HABP4: variants seen among roughly 807,000 people sequenced by gnomAD.
The protein encoded by HABP4 is intracellular hyaluronan-binding protein 4.
Under a neutral mutation model 44.1 loss-of-function variants are expected in HABP4, and 32 were observed. That is an observed-to-expected ratio of 0.73 (90% CI 0.55 to 0.97). The LOEUF (loss-of-function observed/expected upper bound fraction) is 0.97, where lower values mean the gene tolerates loss of function less well. Ranked by LOEUF, HABP4 falls within the 50% of genes least tolerant of loss-of-function variation. The pLI, the probability that HABP4 is intolerant of heterozygous loss-of-function variation, is 0.00. For missense variants in HABP4, 503 were observed against 561.9 expected, an observed-to-expected ratio of 0.90 and a Z score of 1.06; for synonymous variants, 216 against 218.0, an observed-to-expected ratio of 0.99 and a Z score of 0.08.
intron 5 of HABP4, among the ~76,000 whole-genome samples, chr9:96,473,412 A>T (rs1832728574): frequency 6.6e-6 from 1 of 152,062 alleles, no homozygotes; most frequent in Non-Finnish European, 1.5e-5. Context: ...TGCTCTGGTG[A>T]TTGTACCCCT....
At chr9:96,450,130 G>GCGC, upstream of HABP4, 1 of 785,890 alleles carries the variant, frequency 1.3e-6, no homozygotes, top group Non-Finnish European at 1.6e-6. The surrounding 1 kb of genome is among the most constrained non-coding windows in gnomAD (Gnocchi z 4.8). Context: ...GACGGCGGCG[G>GCGC]CGCCGCGGGG....
chr9:96,465,742 G>A lies in HABP4; in HGVS notation c.707G>A (p.Cys236Tyr). 1.9e-6 allele frequency: 3 copies of A among 1,605,106 alleles called. No homozygotes were observed. Among genetic ancestry groups the A allele is most frequent in the Non-Finnish European group, 2.6e-6 (3 of 1,171,814 alleles). ...AGAACTGAAGACAACATGGGTGGAT[G>A]TGGAGTTCGAACCTGGGGATCGGGT... ...AVRTEDNMGG[C>Y]GVRTWGSGKD... is the part of the protein sequence containing the mutation. Residue 236 changes from cysteine (C) to tyrosine (Y), a missense_variant, in exon 4 of 8, where the codon TGT becomes TAT. This residue lies in a region of HABP4 where 131 missense variants were observed against 189.8 expected (regional missense o/e 0.69). Transcript: ENST00000375249.
chr9:96,472,943 G>A (rs1415584255), intron 5 of HABP4, among the ~76,000 whole-genome samples: 3 of 152,168 alleles, frequency 2.0e-5, no homozygotes, highest in Non-Finnish European at 4.4e-5. Flanking sequence ...CTTCGTAAAC[G>A]TGCTCTCCTG....
chr9:96,455,216 C>T (rs559169026), intron 1 of HABP4, among the ~76,000 whole-genome samples: 9 of 152,130 alleles, frequency 5.9e-5, no homozygotes, highest in African/African-American at 2.2e-4. Context: ...TTTGGCAGGT[C>T]GAGGCAGGTG....
At chr9:96,478,171 C>T (rs1832813636) in intron 5 of HABP4, among the ~76,000 whole-genome samples, 1 of 152,032 alleles carries the variant, frequency 6.6e-6, no homozygotes, top group African/African-American at 2.4e-5. Context: ...CTCACTCTGT[C>T]ACCCAGGCTG....
At chr9:96,469,671 C>T (rs975641950) in intron 4 of HABP4, among the ~76,000 whole-genome samples, 5 of 152,196 alleles carry the variant, frequency 3.3e-5, no homozygotes, top group South Asian at 2.1e-4. Context: ...TACAGGCACC[C>T]GCCACCACGC....
At chr9:96,458,622 CTTTCT>C in intron 2 of HABP4, 81 bp downstream of exon 2, 15 of 811,268 alleles carry the variant, frequency 1.8e-5, no homozygotes, top group African/African-American at 7.1e-5. Context: ...TCTTTTCTTT[CTTTCT>C]TTTTTTTTTT....
intron 1 of HABP4, among the ~76,000 whole-genome samples, chr9:96,456,781 ATATATATATATATATATATATATATATAT>A (rs1288125886): frequency 3.3e-5 from 1 of 30,142 alleles, no homozygotes; most frequent in Non-Finnish European, 5.5e-5. Flanking sequence ...AAAAAAAAAA[ATATATATATATATATATATATATATATAT>A]ATATATATAT....
chr9:96,472,724 C>A (rs1389968532), intron 5 of HABP4, among the ~76,000 whole-genome samples: 1 of 152,188 alleles, frequency 6.6e-6, no homozygotes, highest in African/African-American at 2.4e-5. Context: ...CGTAAGTGTC[C>A]TCTGGACCCC....
At chr9:96,451,266 G>A (rs1202563678) in intron 1 of HABP4, among the ~76,000 whole-genome samples, 4 of 152,250 alleles carry the variant, frequency 2.6e-5, no homozygotes, top group Non-Finnish European at 5.9e-5. Context: ...ATAGCTCAAG[G>A]CTGCTTTAAG....
intron 2 of HABP4, among the ~76,000 whole-genome samples, chr9:96,462,450 TAA>T (rs779788111): frequency 1.4e-5 from 2 of 142,682 alleles, no homozygotes; most frequent in Non-Finnish European, 1.5e-5. Flanking sequence ...ACTCTGTCTC[TAA>T]AAAAAAAAAA....
At chr9:96,451,373 T>C (rs1440477715) in intron 1 of HABP4, 5 of 459,100 alleles carry the variant, frequency 1.1e-5, no homozygotes, top group African/African-American at 1.1e-4. Context: ...CTGCTGCCTG[T>C]GGACGGGGAG....
chr9:96,476,695 A>G (rs1255825619), intron 5 of HABP4, among the ~76,000 whole-genome samples: 1 of 152,190 alleles, frequency 6.6e-6, no homozygotes, highest in African/African-American at 2.4e-5. Context: ...TGCCGGTAAA[A>G]CTGTACTCAG....
Position 96,484,484 on chromosome 9 carries a change from G to C in HABP4, c.850G>C (p.Glu284Gln). The change falls in exon 6 of 8, where the codon GAA becomes CAA. Residue 284 changes from glutamate to glutamine, a missense_variant. Physicochemically the swap from Glu to Gln is conservative, Grantham distance 29. Around this residue, in one of 3 missense-constraint regions of HABP4, gnomAD observed 131 missense variants for 189.8 expected, o/e 0.69. Coordinates refer to ENST00000375249, the MANE Select transcript of HABP4 (RefSeq NM_014282.4). ...PAKVPELEVE[E>Q]ETQVQEMTLD... is the part of the protein sequence containing the mutation. ...TAGAGTTCCTGAGTTGGAGGTAGAA[G>C]AAGAAACCCAAGTTCAAGAGATGAC... The C allele has an allele frequency of 1.3e-6, 2 of 1,552,510 alleles. No homozygotes were observed. The highest frequency in any genetic ancestry group is 1.7e-4 in the Middle Eastern group (1 of 5,946).
rs781305395 is a variant in HABP4 at position 96,488,136 on chromosome 9, C to T, written c.1047C>T (p.Pro349=). The part of the protein sequence containing the change: ...YEDDSHVFRK[P]ANDITSQLEI... ...ACGATTCCCATGTTTTCCGGAAACCCGCCAATGACATCACATCCCAGCTGG... is the reference window on the plus strand; with the variant it reads ...ACGATTCCCATGTTTTCCGGAAACCTGCCAATGACATCACATCCCAGCTGG... The change falls in exon 7 of 8, where the codon CCC becomes CCT. Residue 349 remains proline (P), a synonymous_variant. Transcript: ENST00000375249. This position sits in a 1 kb window ranked among gnomAD's most constrained non-coding sequence, Gnocchi z 4.6. 86 of 1,613,342 alleles carry T rather than the reference C, an allele frequency of 5.3e-5. 1 individual carries two copies. The highest frequency in any genetic ancestry group is 4.9e-4 in the Middle Eastern group (3 of 6,082).
chr9:96,464,841 T>G (rs1444009967), intron 2 of HABP4, among the ~76,000 whole-genome samples: 1 of 152,212 alleles, frequency 6.6e-6, no homozygotes, highest in Non-Finnish European at 1.5e-5. Flanking sequence ...GAGGGAGATT[T>G]GGAAAGGGGC....
chr9:96,461,812 A>G (rs1832504504), intron 2 of HABP4, among the ~76,000 whole-genome samples: 1 of 152,366 alleles, frequency 6.6e-6, no homozygotes, highest in Non-Finnish European at 1.5e-5. Context: ...TTTCACTATC[A>G]GATGAGCAAA....
chr9:96,476,639 C>G (rs185093052), intron 5 of HABP4, among the ~76,000 whole-genome samples: 1 of 152,132 alleles, frequency 6.6e-6, no homozygotes, highest in South Asian at 2.1e-4. Flanking sequence ...TTCCTAGAAT[C>G]GAAGGATACA....
Position 96,484,447 on chromosome 9 carries a change from T to G in HABP4, c.828-15T>G. Reference sequence around the variant, plus strand: ...CATCAAAAAGTATTCTTTATGATTATATATCTCTTTATAGAGTTCCTGAGT... The same window carrying G: ...CATCAAAAAGTATTCTTTATGATTAGATATCTCTTTATAGAGTTCCTGAGT... On this transcript the variant is annotated splice_polypyrimidine_tract_variant and intron_variant, in intron 5 of 7. Coordinates refer to ENST00000375249, the MANE Select transcript of HABP4 (RefSeq NM_014282.4). 8.1e-7 allele frequency: 1 copy of G among 1,234,750 alleles called. No individual in the cohort carries two copies. Among genetic ancestry groups the G allele is most frequent in the South Asian group, 1.3e-5 (1 of 77,692 alleles). The allele number at this position is 1,234,750 out of a possible 1,614,324, so 76.5% of individuals were successfully genotyped here.
Sources: allele counts gnomAD v4.1 joint callset (sites outside exome capture counted in the v4.1 genomes callset), GRCh38; gene constraint gnomAD v4.1.1; regional missense constraint gnomAD v4.1.1; non-coding constraint Gnocchi (gnomAD v3.1); transcripts MANE v1.5; gene names NCBI Gene and HGNC (gene_info 2026-07-23, HGNC 2026-07-21).